LRRN3: variants seen among roughly 807,000 people sequenced by gnomAD.
LRRN3 encodes the protein leucine rich repeat neuronal 3, also known as leucine-rich repeat neuronal protein 3.
Under a neutral mutation model 40.1 loss-of-function variants are expected in LRRN3, and 15 were observed. That is an observed-to-expected ratio of 0.37 (90% CI 0.25 to 0.58). LRRN3 has a LOEUF of 0.58. LRRN3 is among the 20% of genes least tolerant of loss of function. The pLI is 0.72. For synonymous variants in LRRN3, 308 were observed against 297.2 expected (o/e 1.04, Z -0.37); for missense variants, 746 against 837.7 (o/e 0.89, Z 1.35).
intron 1 of LRRN3, among the ~76,000 whole-genome samples, chr7:111,098,356 C>T (rs915691059): frequency 1.4e-4 from 21 of 151,772 alleles, no homozygotes; most frequent in African/African-American, 4.8e-4. Context: ...CAAACCATTT[C>T]CTCAATCAAT....
In LRRN3 at chr7:111,122,871, T is replaced by C. The variant is rs982881299; in HGVS notation, c.99T>C (p.Cys33=). ...AAAAAGTGGATTGTCCACGGTTATGTACGTGTGAAATCAGGCCTTGGTTTA... is the reference window on the plus strand; with the variant it reads ...AAAAAGTGGATTGTCCACGGTTATGCACGTGTGAAATCAGGCCTTGGTTTA... ...VDKKVDCPRL[C]TCEIRPWFTP... is the part of the protein sequence containing the mutation. The change falls in exon 3 of 3, where the codon TGT becomes TGC. Residue 33 remains cysteine, a synonymous_variant. Coordinates refer to ENST00000308478, the MANE Select transcript of LRRN3 (RefSeq NM_001099658.2). 1 of 1,613,882 alleles carries C rather than the reference T, an allele frequency of 6.2e-7. No homozygotes were observed. The highest frequency in any genetic ancestry group is 8.5e-7 in the Non-Finnish European group (1 of 1,179,926).
intron 2 of LRRN3, among the ~76,000 whole-genome samples, chr7:111,104,193 C>T (rs1012423435): frequency 2.6e-5 from 4 of 151,558 alleles, no homozygotes; most frequent in South Asian, 2.1e-4. Flanking sequence ...CTTTACTATT[C>T]GCATCTTGAG....
chr7:111,093,795 T>C (rs1797114535), intron 1 of LRRN3, among the ~76,000 whole-genome samples: 1 of 152,134 alleles, frequency 6.6e-6, no homozygotes, highest in Non-Finnish European at 1.5e-5. Context: ...GACTGGAAGA[T>C]TTACCCATAG....
At chr7:111,107,840 A>C (rs1798721100) in intron 2 of LRRN3, among the ~76,000 whole-genome samples, 1 of 152,232 alleles carries the variant, frequency 6.6e-6, no homozygotes, top group South Asian at 2.1e-4. Flanking sequence ...CCAATTCTGC[A>C]GATAATATTA....
chr7:111,096,480 A>G (rs2129578857), intron 1 of LRRN3, among the ~76,000 whole-genome samples: 1 of 149,732 alleles, frequency 6.7e-6, no homozygotes, highest in African/African-American at 2.4e-5. Context: ...AATTTAAATC[A>G]CAGCTATTGC....
intron 2 of LRRN3, among the ~76,000 whole-genome samples, chr7:111,114,947 T>A (rs214873): frequency 0.051 from 7,784 of 152,112 alleles, 345 homozygotes; most frequent in African/African-American, 0.12. Flanking sequence ...TGCTGGTAAT[T>A]TTACAGACAG....
chr7:111,124,998 A>G lies in LRRN3; in HGVS notation c.*99A>G. ...AAAACAAAACAAACAAACAAACAAA[A>G]AAGTAAAAAAAGATTACTTTCGAGA... On this transcript the variant is annotated 3_prime_UTR_variant, in exon 3 of 3. Transcript: ENST00000308478. The G allele has an allele frequency of 1.2e-6, 1 of 865,394 alleles. No homozygotes were observed. The highest frequency in any genetic ancestry group is 1.7e-6 in the Non-Finnish European group (1 of 576,100). 53.6% of individuals were successfully genotyped at this position (865,394 alleles called of 1,614,324 possible). A position where few individuals can be genotyped will look rare whatever the true frequency, so the allele number is the denominator to read the frequency against.
chr7:111,107,788 CTG>C (rs1350487982), intron 2 of LRRN3, among the ~76,000 whole-genome samples: 1 of 152,092 alleles, frequency 6.6e-6, no homozygotes, highest in Non-Finnish European at 1.5e-5. Context: ...CAACATTTGG[CTG>C]TTGCAACATT....
At chr7:111,095,798 T>C (rs1797338376) in intron 1 of LRRN3, among the ~76,000 whole-genome samples, 1 of 152,000 alleles carries the variant, frequency 6.6e-6, no homozygotes, top group Non-Finnish European at 1.5e-5. Context: ...GCCCTTTTTT[T>C]ATATACAGTG....
rs1799875970 is a variant in LRRN3 at position 111,116,342 on chromosome 7, GATA to G, written c.-358-6068_-358-6066del. On this transcript the variant is annotated intron_variant, in intron 2 of 2. Transcript: ENST00000308478. ...AAAAATCTATAGTTATTTCTATAAT[GATA>G]ATAAGAGGATTTTTGCCAGTTTGAA... 2.6e-5 allele frequency among the ~76,000 whole-genome samples: 4 copies of G among 152,082 alleles called. 1 individual carries two copies. In the South Asian group the frequency reaches 6.3e-4, roughly 24 times the overall value.
intron 2 of LRRN3, among the ~76,000 whole-genome samples, chr7:111,117,034 T>A (rs947987794): frequency 6.6e-6 from 1 of 152,166 alleles, no homozygotes; most frequent in Non-Finnish European, 1.5e-5. Flanking sequence ...CTCTCTAGTT[T>A]GTTTACTACT....
intron 2 of LRRN3, among the ~76,000 whole-genome samples, chr7:111,112,804 AG>A (rs1799397324): frequency 6.6e-6 from 1 of 152,210 alleles, no homozygotes; most frequent in Admixed American, 6.5e-5. Context: ...GTATAGTAAC[AG>A]AAAAGCACCA....
rs574836828 is a variant in LRRN3 at position 111,094,610 on chromosome 7, T to C, written c.-441+3106T>C. 2.6e-5 allele frequency among the ~76,000 whole-genome samples: 4 copies of C among 152,264 alleles called. No individual in the cohort carries two copies. In the South Asian group the frequency reaches 8.3e-4, roughly 32 times the overall value. ...TTGTCAGTGCTGTCAAAGATAAAGC[T>C]CTCTGATATTGGCTATGCAATGAGT... On this transcript the variant is annotated intron_variant, in intron 1 of 2. Coordinates refer to ENST00000308478, the MANE Select transcript of LRRN3 (RefSeq NM_001099658.2).
At chr7:111,102,858 T>A (rs1798125834) in intron 2 of LRRN3, among the ~76,000 whole-genome samples, 1 of 151,568 alleles carries the variant, frequency 6.6e-6, no homozygotes, top group African/African-American at 2.4e-5. Flanking sequence ...AATTACAATC[T>A]TTGAAATTAT....
At position 111,123,999 on chromosome 7, in the gene LRRN3, A is replaced by G; in HGVS notation, c.1227A>G (p.Gln409=). The G allele has an allele frequency of 6.2e-7, 1 of 1,614,082 alleles. No individual in the cohort carries two copies. The highest frequency in any genetic ancestry group is 2.2e-5 in the East Asian group (1 of 44,878). The part of the protein sequence containing the change: ...PPEFQGQNVR[Q]VHFRDMMEIC... Reference sequence around the variant, plus strand: ...AATTCCAAGGTCAGAATGTTCGGCAAGTGCATTTCAGGGACATGATGGAAA... The same window carrying G: ...AATTCCAAGGTCAGAATGTTCGGCAGGTGCATTTCAGGGACATGATGGAAA... Residue 409 remains glutamine (Q), a synonymous_variant, in exon 3 of 3, where the codon CAA becomes CAG. Transcript: ENST00000308478. This position sits in a 1 kb window ranked among gnomAD's most constrained non-coding sequence, Gnocchi z 6.4.
intron 2 of LRRN3, among the ~76,000 whole-genome samples, chr7:111,120,591 G>A (rs966003344): frequency 1.3e-5 from 2 of 152,076 alleles, no homozygotes; most frequent in South Asian, 4.1e-4. Context: ...TTCATTGTTA[G>A]TAATGGAAGG....
chr7:111,094,360 T>C (rs214891), intron 1 of LRRN3, among the ~76,000 whole-genome samples: 137,373 of 152,112 alleles, frequency 0.9, 62,076 homozygotes, highest in East Asian at 0.94. Flanking sequence ...AAGCTAATAG[T>C]AGACTAAAAA....
chr7:111,097,502 T>A (rs2129579172), intron 1 of LRRN3, among the ~76,000 whole-genome samples: 1 of 152,040 alleles, frequency 6.6e-6, no homozygotes, highest in East Asian at 1.9e-4. Flanking sequence ...ACATTTGTTC[T>A]ATAATTTATA....
At position 111,124,075 on chromosome 7, in the gene LRRN3, G is replaced by A; in HGVS notation, c.1303G>A (p.Glu435Lys). 1.2e-6 allele frequency: 2 copies of A among 1,613,990 alleles called. No individual in the cohort carries two copies. The highest frequency in any genetic ancestry group is 2.2e-5 in the South Asian group (2 of 91,078). ...PESFPSNLNV[E>K]AGSYVSFHCR... ...GAGCTTTCCTTCTAATCTAAATGTA[G>A]AAGCTGGGAGCTATGTTTCCTTTCA... Residue 435 changes from glutamate to lysine, a missense_variant, in exon 3 of 3, where the codon GAA becomes AAA. Coordinates refer to ENST00000308478, the MANE Select transcript of LRRN3 (RefSeq NM_001099658.2).
Sources: allele counts gnomAD v4.1 joint callset (sites outside exome capture counted in the v4.1 genomes callset), GRCh38; gene constraint gnomAD v4.1.1; non-coding constraint Gnocchi (gnomAD v3.1); transcripts MANE v1.5; gene names NCBI Gene and HGNC (gene_info 2026-07-23, HGNC 2026-07-21).